Variants in KIRREL3 observed in about 807,000 individuals in gnomAD.
KIRREL3 encodes kin of IRRE-like protein 3.
KIRREL3 carries 36 observed loss-of-function variants against 89.7 expected under a neutral mutation model. That is an observed-to-expected ratio of 0.40 (90% CI 0.31 to 0.53). The LOEUF (loss-of-function observed/expected upper bound fraction) is 0.53. Among genes scored for constraint, KIRREL3 ranks in the 20% least tolerant of loss-of-function variants. The pLI, the probability that KIRREL3 is intolerant of heterozygous loss-of-function variation, is 0.49. For missense variants in KIRREL3, 864 were observed against 1,056.6 expected (o/e 0.82, Z 2.53); for synonymous variants, 445 against 441.4 (o/e 1.01, Z -0.10).
chr11:126,839,960 T>C (rs964956437), intron 1 of KIRREL3, among the ~76,000 whole-genome samples: 1 of 152,148 alleles, frequency 6.6e-6, no homozygotes. Context: ...CATTCTATAC[T>C]CTTGATTGCA....
In KIRREL3 at chr11:126,715,710, G is replaced by C. The variant is rs1302676253; in HGVS notation, c.56-152798C>G. 1.3e-5 allele frequency among the ~76,000 whole-genome samples: 2 copies of C among 152,204 alleles called. No individual in the cohort carries two copies. Among genetic ancestry groups the C allele is most frequent in the Admixed American group, 6.5e-5 (1 of 15,278 alleles). ...AGAAATAAAAGAAGGGCAGGCAAAA[G>C]GAGGAAAGAGAATGCGGGGGAGGCA... On this transcript the variant is annotated intron_variant, in intron 1 of 16. Coordinates refer to ENST00000525144, the MANE Select transcript of KIRREL3 (RefSeq NM_032531.4). The surrounding 1 kb of genome is among the most constrained non-coding windows in gnomAD (Gnocchi z 4.4).
At chr11:126,893,978 T>C (rs905796256) in intron 1 of KIRREL3, among the ~76,000 whole-genome samples, 20 of 152,170 alleles carry the variant, frequency 1.3e-4, no homozygotes, top group African/African-American at 4.8e-4. Flanking sequence ...GATGTGGCTG[T>C]AGATAATGAG....
Position 126,431,227 on chromosome 11 carries a change from C to T in KIRREL3, c.1696+192G>A. ...AGTCCAGGTCAACCTCAGCCTAGCG[C>T]CCACTCTGCCAGGCGCCATGTTGCC... On this transcript the variant is annotated intron_variant, in intron 14 of 16. Coordinates refer to ENST00000525144, the MANE Select transcript of KIRREL3 (RefSeq NM_032531.4). The surrounding 1 kb of genome is among the most constrained non-coding windows in gnomAD (Gnocchi z 7.1). 6.6e-7 allele frequency: 1 copy of T among 1,512,220 alleles called. No homozygotes were observed. Among genetic ancestry groups the T allele is most frequent in the Non-Finnish European group, 8.9e-7 (1 of 1,124,778 alleles). 93.7% of individuals were successfully genotyped at this position (1,512,220 alleles called of 1,614,324 possible). A position where few individuals can be genotyped will look rare whatever the true frequency, so the allele number is the denominator to read the frequency against.
chr11:126,971,788 A>G (rs1375861219), intron 1 of KIRREL3, among the ~76,000 whole-genome samples: 1 of 152,136 alleles, frequency 6.6e-6, no homozygotes, highest in Non-Finnish European at 1.5e-5. Flanking sequence ...AGGCAGGAAA[A>G]TCTTGCTTAT....
At chr11:126,722,410 C>A (rs1046231598) in intron 1 of KIRREL3, among the ~76,000 whole-genome samples, 2 of 152,164 alleles carry the variant, frequency 1.3e-5, no homozygotes, top group African/African-American at 4.8e-5. Context: ...TTATTTATTC[C>A]TGATTTATGT....
chr11:126,907,493 G>A (rs369437684), intron 1 of KIRREL3, among the ~76,000 whole-genome samples: 3 of 152,166 alleles, frequency 2.0e-5, no homozygotes, highest in African/African-American at 4.8e-5. Context: ...GCTTGCAGAC[G>A]CCAGGCCAGG....
chr11:126,538,467 C>A (rs1439132705), intron 2 of KIRREL3, among the ~76,000 whole-genome samples: 1 of 152,140 alleles, frequency 6.6e-6, no homozygotes, highest in East Asian at 1.9e-4. Flanking sequence ...GTGGGAAAGA[C>A]AAGGGCAGCG....
At chr11:126,923,822 T>C (rs1174364430) in intron 1 of KIRREL3, among the ~76,000 whole-genome samples, 1 of 152,214 alleles carries the variant, frequency 6.6e-6, no homozygotes, top group African/African-American at 2.4e-5. Flanking sequence ...GTTTCTCTAC[T>C]GAGCTCCAGC....
At position 126,776,297 on chromosome 11, in the gene KIRREL3, G is replaced by A. The variant is rs1332447742; in HGVS notation, c.56-213385C>T. Among the ~76,000 whole-genome samples, 1 of 152,196 alleles carries A rather than the reference G, an allele frequency of 6.6e-6. No homozygotes were observed. The highest frequency in any genetic ancestry group is 1.5e-5 in the Non-Finnish European group (1 of 68,048). ...TTGGAAGGGAATGTGTGCTTCCGGTGGAGTTTGCTGAAGTGCCATGGAGGG... is the reference window on the plus strand; with the variant it reads ...TTGGAAGGGAATGTGTGCTTCCGGTAGAGTTTGCTGAAGTGCCATGGAGGG... On this transcript the variant is annotated intron_variant, in intron 1 of 16. Coordinates refer to ENST00000525144, the MANE Select transcript of KIRREL3 (RefSeq NM_032531.4). The surrounding 1 kb of genome is among the most constrained non-coding windows in gnomAD (Gnocchi z 4.7).
chr11:126,623,292 T>C lies in KIRREL3; in HGVS notation c.56-60380A>G, dbSNP rs1263926355. On this transcript the variant is annotated intron_variant, in intron 1 of 16. Transcript: ENST00000525144. This position sits in a 1 kb window ranked among gnomAD's most constrained non-coding sequence, Gnocchi z 4.1. ...TTTGCACATAAACAGACTGCCTCCC[T>C]GGAAACCAGGCCTGTCCTTGGTGGT... 1.3e-5 allele frequency among the ~76,000 whole-genome samples: 2 copies of C among 152,166 alleles called. No individual in the cohort carries two copies. Among genetic ancestry groups the C allele is most frequent in the African/African-American group, 2.4e-5 (1 of 41,444 alleles).
At position 126,782,510 on chromosome 11, in the gene KIRREL3, T is replaced by C. The variant is rs1225911955; in HGVS notation, c.55+217945A>G. ...AGGAGGCAGGGGTGCCACTAGCTGA[T>C]TTAGCGACTTTTGTATTAATTCAGA... is the stretch of plus-strand genomic sequence containing the variant. On this transcript the variant is annotated intron_variant, in intron 1 of 16. Transcript: ENST00000525144. This position sits in a 1 kb window ranked among gnomAD's most constrained non-coding sequence, Gnocchi z 4.1. Among the ~76,000 whole-genome samples, 6 of 152,178 alleles carry C rather than the reference T, an allele frequency of 3.9e-5. No individual in the cohort carries two copies. The highest frequency in any genetic ancestry group is 1.4e-4 in the African/African-American group (6 of 41,448).
In KIRREL3 at chr11:126,708,669, A is replaced by C. The variant is rs1384224985; in HGVS notation, c.56-145757T>G. 6.6e-6 allele frequency among the ~76,000 whole-genome samples: 1 copy of C among 151,982 alleles called. No individual in the cohort carries two copies. The highest frequency in any genetic ancestry group is 1.5e-5 in the Non-Finnish European group (1 of 67,986). ...CCAAGAGCGGCACTCCCACCTGGGC[A>C]CTCCTTGCTGATGGACCGGGACCTC... On this transcript the variant is annotated intron_variant, in intron 1 of 16. Coordinates refer to ENST00000525144, the MANE Select transcript of KIRREL3 (RefSeq NM_032531.4). This position sits in a 1 kb window ranked among gnomAD's most constrained non-coding sequence, Gnocchi z 5.7.
chr11:126,886,015 A>G (rs10750355), intron 1 of KIRREL3, among the ~76,000 whole-genome samples: 93,798 of 152,072 alleles, frequency 0.62, 30,464 homozygotes, highest in African/African-American at 0.82. Context: ...TTAATTTTGC[A>G]TTCTCATCTG....
chr11:126,833,434 C>T (rs1943677394), intron 1 of KIRREL3, among the ~76,000 whole-genome samples: 1 of 152,216 alleles, frequency 6.6e-6, no homozygotes, highest in Non-Finnish European at 1.5e-5. Flanking sequence ...ATTTGATCAC[C>T]TCCACCTGCA....
chr11:126,471,719 C>T lies in KIRREL3; in HGVS notation c.591+1590G>A, dbSNP rs984289988. On this transcript the variant is annotated intron_variant, in intron 5 of 16. Transcript: ENST00000525144. The surrounding 1 kb of genome is among the most constrained non-coding windows in gnomAD (Gnocchi z 5.4). Reference sequence around the variant, plus strand: ...GCCTGATGAAAAAAGGCTGTGGGGGCCTGGGCTCTGGATTGGTTGGTCTGC... The same window carrying T: ...GCCTGATGAAAAAAGGCTGTGGGGGTCTGGGCTCTGGATTGGTTGGTCTGC... 2.6e-5 allele frequency among the ~76,000 whole-genome samples: 4 copies of T among 152,080 alleles called. No individual in the cohort carries two copies. Among genetic ancestry groups the T allele is most frequent in the African/African-American group, 7.2e-5 (3 of 41,398 alleles).
At chr11:126,619,217 G>C (rs538249605) in intron 1 of KIRREL3, among the ~76,000 whole-genome samples, 53 of 152,334 alleles carry the variant, frequency 3.5e-4, no homozygotes, top group Admixed American at 1.2e-3. Flanking sequence ...CAAAGATCTG[G>C]GAGAAAGGGG....
chr11:126,762,811 T>C (rs1296217773), intron 1 of KIRREL3, among the ~76,000 whole-genome samples: 2 of 152,168 alleles, frequency 1.3e-5, no homozygotes, highest in Non-Finnish European at 2.9e-5. Flanking sequence ...CATGTCACAG[T>C]CTCTTTCGTC....
chr11:126,772,155 A>G lies in KIRREL3; in HGVS notation c.56-209243T>C, dbSNP rs1489471286. ...GCTCTGGTCTGTTCTAGATTCCTCAACCTGAGCAGGTTCATATGGTTTTGC... is the reference window on the plus strand; with the variant it reads ...GCTCTGGTCTGTTCTAGATTCCTCAGCCTGAGCAGGTTCATATGGTTTTGC... On this transcript the variant is annotated intron_variant, in intron 1 of 16. Coordinates refer to ENST00000525144, the MANE Select transcript of KIRREL3 (RefSeq NM_032531.4). This position sits in a 1 kb window ranked among gnomAD's most constrained non-coding sequence, Gnocchi z 4.6. 2.0e-5 allele frequency among the ~76,000 whole-genome samples: 3 copies of G among 152,156 alleles called. No homozygotes were observed. Among genetic ancestry groups the G allele is most frequent in the Non-Finnish European group, 4.4e-5 (3 of 68,014 alleles).
intron 1 of KIRREL3, among the ~76,000 whole-genome samples, chr11:126,589,858 G>GAA (rs1565575573): frequency 6.6e-6 from 1 of 152,154 alleles, no homozygotes; most frequent in Admixed American, 6.5e-5. Context: ...GCCTCCTGGG[G>GAA]CTGGGGCTGG....
Sources: allele counts gnomAD v4.1 joint callset (sites outside exome capture counted in the v4.1 genomes callset), GRCh38; gene constraint gnomAD v4.1.1; non-coding constraint Gnocchi (gnomAD v3.1); transcripts MANE v1.5; gene names NCBI Gene and HGNC (gene_info 2026-07-23, HGNC 2026-07-21).